Variants in TAFA4 observed in about 807,000 individuals in gnomAD.
TAFA4 encodes the protein TAFA chemokine like family member 4, also known as chemokine-like protein TAFA-4.
Under a neutral mutation model 21.1 loss-of-function variants are expected in TAFA4, and 20 were observed. The observed-to-expected ratio is 0.95, with a 90% CI of 0.67 to 1.38. TAFA4 has a LOEUF of 1.38. Among genes scored for constraint, TAFA4 ranks in the 40% most tolerant of loss-of-function variants. The pLI is 0.00. For synonymous variants in TAFA4, 71 were observed against 67.4 expected (o/e 1.05, Z -0.26); for missense variants, 211 against 180.9 (o/e 1.17, Z -0.95).
At chr3:68,735,595 T>TATATTGACAATG (rs1276260276) in intron 5 of TAFA4, among the ~76,000 whole-genome samples, 2 of 152,034 alleles carry the variant, frequency 1.3e-5, no homozygotes, top group African/African-American at 4.8e-5. Flanking sequence ...AAATTATTAT[T>TATATTGACAATG]ATATTGACAA....
intron 3 of TAFA4, among the ~76,000 whole-genome samples, chr3:68,851,400 A>G (rs9824244): frequency 0.32 from 49,008 of 151,912 alleles, 8,225 homozygotes; most frequent in Non-Finnish European, 0.37. Flanking sequence ...TGGACTTAAT[A>G]CCTAGGTGAT....
At chr3:68,769,013 G>T (rs995752829) in intron 3 of TAFA4, among the ~76,000 whole-genome samples, 2 of 152,186 alleles carry the variant, frequency 1.3e-5, no homozygotes, top group Non-Finnish European at 2.9e-5. Flanking sequence ...AAATTCTGGT[G>T]TTCCATTGCA....
At chr3:68,759,604 A>T (rs1240624714) in intron 3 of TAFA4, among the ~76,000 whole-genome samples, 1 of 152,214 alleles carries the variant, frequency 6.6e-6, no homozygotes, top group Admixed American at 6.5e-5. Context: ...GCAGGGGAAC[A>T]TAATGGTGTG....
chr3:68,855,567 T>G (rs1344528962), intron 3 of TAFA4, among the ~76,000 whole-genome samples: 6 of 152,054 alleles, frequency 3.9e-5, no homozygotes, highest in African/African-American at 1.4e-4. Context: ...AAACATGTAC[T>G]GACGTAGCGT....
chr3:68,745,212 C>G (rs1702434900), intron 4 of TAFA4, among the ~76,000 whole-genome samples: 1 of 152,312 alleles, frequency 6.6e-6, no homozygotes, highest in East Asian at 1.9e-4. Context: ...GAAATTTAAG[C>G]TTCGAGTGCA....
intron 3 of TAFA4, among the ~76,000 whole-genome samples, chr3:68,841,699 C>A (rs1704669350): frequency 6.6e-6 from 1 of 152,088 alleles, no homozygotes; most frequent in South Asian, 2.1e-4. Context: ...CTCCCCTACC[C>A]CCCAACCCCC....
chr3:68,862,249 ATGG>A (rs1301775075), intron 3 of TAFA4, among the ~76,000 whole-genome samples: 1 of 152,144 alleles, frequency 6.6e-6, no homozygotes, highest in Non-Finnish European at 1.5e-5. Flanking sequence ...TTTTTATGCC[ATGG>A]TGAAACCTAT....
At chr3:68,795,512 C>G (rs756843250) in intron 3 of TAFA4, among the ~76,000 whole-genome samples, 21 of 152,108 alleles carry the variant, frequency 1.4e-4, no homozygotes, top group Non-Finnish European at 2.9e-4. Flanking sequence ...AAGCAAGACC[C>G]CAGTTAGGGC....
chr3:68,822,118 T>G (rs1349915270), intron 3 of TAFA4, among the ~76,000 whole-genome samples: 1 of 152,170 alleles, frequency 6.6e-6, no homozygotes, highest in Admixed American at 6.5e-5. Context: ...CTTTCTGAAT[T>G]ATCCAGTGAA....
At chr3:68,741,293 A>G (rs1242419279) in intron 4 of TAFA4, among the ~76,000 whole-genome samples, 20 of 152,252 alleles carry the variant, frequency 1.3e-4, no homozygotes. Context: ...TGTTTCTTTC[A>G]TTAATGTCTT....
chr3:68,760,902 C>A (rs1048664006), intron 3 of TAFA4, among the ~76,000 whole-genome samples: 1 of 152,188 alleles, frequency 6.6e-6, no homozygotes, highest in Admixed American at 6.5e-5. Context: ...TCCACTGAGG[C>A]CTTACTATGT....
At chr3:68,809,390 TG>T (rs1703778494) in intron 3 of TAFA4, among the ~76,000 whole-genome samples, 1 of 152,218 alleles carries the variant, frequency 6.6e-6, no homozygotes, top group Non-Finnish European at 1.5e-5. Context: ...TATAACAGTA[TG>T]GGAATAGTTA....
At chr3:68,877,360 A>G (rs1575654129) in intron 3 of TAFA4, among the ~76,000 whole-genome samples, 1 of 152,202 alleles carries the variant, frequency 6.6e-6, no homozygotes. Context: ...CTCCATCTCA[A>G]AAAATTAATT....
At chr3:68,832,991 T>C (rs999511069) in intron 3 of TAFA4, among the ~76,000 whole-genome samples, 5 of 152,238 alleles carry the variant, frequency 3.3e-5, no homozygotes, top group African/African-American at 9.6e-5. Flanking sequence ...CAAGGCTCCA[T>C]GGGCATGGGA....
At chr3:68,874,507 G>T (rs1017660334) in intron 3 of TAFA4, among the ~76,000 whole-genome samples, 1 of 152,112 alleles carries the variant, frequency 6.6e-6, no homozygotes, top group Non-Finnish European at 1.5e-5. Context: ...TACAGATGAG[G>T]TATTGACCTG....
chr3:68,819,880 C>T (rs531176355), intron 3 of TAFA4, among the ~76,000 whole-genome samples: 1 of 152,214 alleles, frequency 6.6e-6, no homozygotes, highest in African/African-American at 2.4e-5. Flanking sequence ...GTACGACATT[C>T]CTTTGACAAA....
chr3:68,886,125 A>C (rs2089670540), intron 1 of TAFA4, among the ~76,000 whole-genome samples: 1 of 152,334 alleles, frequency 6.6e-6, no homozygotes, highest in African/African-American at 2.4e-5. Context: ...GATTTTTGAA[A>C]TGAAGTCTAA....
intron 3 of TAFA4, among the ~76,000 whole-genome samples, chr3:68,856,771 A>C (rs1705079383): frequency 6.6e-6 from 1 of 152,178 alleles, no homozygotes; most frequent in Non-Finnish European, 1.5e-5. Flanking sequence ...CTACTCAGGG[A>C]CATGCAGGTA....
intron 1 of TAFA4, among the ~76,000 whole-genome samples, chr3:68,909,553 A>G (rs988264096): frequency 2.0e-5 from 3 of 152,134 alleles, no homozygotes; most frequent in Non-Finnish European, 2.9e-5. Context: ...CGCCTCCCCA[A>G]TCTGGAGGAG....
Sources: allele counts gnomAD v4.1 joint callset (sites outside exome capture counted in the v4.1 genomes callset), GRCh38; gene constraint gnomAD v4.1.1; transcripts MANE v1.5; gene names NCBI Gene and HGNC (gene_info 2026-07-23, HGNC 2026-07-21).